The following MYT1L variants were observed in gnomAD, a reference collection of about 807,000 sequenced individuals.
MYT1L encodes myelin transcription factor 1 like, also known as myelin transcription factor 1-like protein.
Under a neutral mutation model 126.7 loss-of-function variants are expected in MYT1L, and 12 were observed. The ratio of observed to expected loss-of-function variants is 0.09; its 90% CI spans 0.06 to 0.15. MYT1L has a LOEUF of 0.15. MYT1L is among the 10% of genes least tolerant of loss of function. MYT1L has a pLI of 1.00. For missense variants in MYT1L, 979 were observed against 1,585.2 expected, an observed-to-expected ratio of 0.62 and a Z score of 6.49; for synonymous variants, 541 against 604.2, an observed-to-expected ratio of 0.90 and a Z score of 1.53.
intron 4 of MYT1L, among the ~76,000 whole-genome samples, chr2:2,044,828 G>A (rs1279881032): frequency 1.3e-5 from 2 of 152,114 alleles, no homozygotes; most frequent in East Asian, 1.9e-4. Context: ...CCGTGTTCCC[G>A]ATGCCTCAAC....
intron 8 of MYT1L, among the ~76,000 whole-genome samples, chr2:1,953,585 T>C (rs767216970): frequency 6.6e-6 from 1 of 152,244 alleles, no homozygotes; most frequent in Non-Finnish European, 1.5e-5. Context: ...TGATTTTCCA[T>C]GTGTGCTTAT....
chr2:1,956,050 T>TATCTATCTATCTATCTACCTATC (rs2058314496), intron 8 of MYT1L, among the ~76,000 whole-genome samples: 2 of 106,236 alleles, frequency 1.9e-5, no homozygotes, highest in African/African-American at 1.0e-4. Context: ...TGTATCTATG[T>TATCTATCTATCTATCTACCTATC]ATCTATCTAT....
At chr2:2,276,721 C>T (rs1281399688) in intron 2 of MYT1L, among the ~76,000 whole-genome samples, 1 of 152,150 alleles carries the variant, frequency 6.6e-6, no homozygotes, top group African/African-American at 2.4e-5. Flanking sequence ...CCTTGAATCT[C>T]ACCCTCTCTG....
chr2:2,224,602 G>A lies in MYT1L; in HGVS notation c.-420-51614C>T, dbSNP rs1399071962. Among the ~76,000 whole-genome samples, 1 of 152,060 alleles carries A rather than the reference G, an allele frequency of 6.6e-6. No homozygotes were observed. Among genetic ancestry groups the A allele is most frequent in the Non-Finnish European group, 1.5e-5 (1 of 68,024 alleles). The stretch of plus-strand genomic sequence containing the variant: ...TGGGAGGTCAAGACGGGCGGATCAC[G>A]AGGTCAAGAGATTGAGACCATCCTG... On this transcript the variant is annotated intron_variant, in intron 2 of 24. Transcript: ENST00000647738. The surrounding 1 kb of genome is among the most constrained non-coding windows in gnomAD (Gnocchi z 4.0).
intron 2 of MYT1L, among the ~76,000 whole-genome samples, chr2:2,253,756 G>T (rs540764928): frequency 1.4e-5 from 2 of 140,364 alleles, no homozygotes; most frequent in Non-Finnish European, 3.1e-5. Context: ...GGGGCAGGAG[G>T]GCAAGTCGGA....
intron 2 of MYT1L, among the ~76,000 whole-genome samples, chr2:2,278,934 A>G (rs1240168609): frequency 6.6e-6 from 1 of 152,068 alleles, no homozygotes; most frequent in Non-Finnish European, 1.5e-5. Context: ...CTCTTGTTCT[A>G]ACTTCTTAAC....
chr2:2,133,594 C>A (rs1330652254), intron 3 of MYT1L, among the ~76,000 whole-genome samples: 1 of 152,194 alleles, frequency 6.6e-6, no homozygotes, highest in East Asian at 1.9e-4. Flanking sequence ...TTATTCTTAT[C>A]TTTAACATGC....
At chr2:1,863,695 T>G (rs1175454973) in intron 18 of MYT1L, among the ~76,000 whole-genome samples, 1 of 131,076 alleles carries the variant, frequency 7.6e-6, no homozygotes, top group Admixed American at 7.4e-5. Context: ...CCGACAGTGG[T>G]GGCGACAGTG....
chr2:1,844,542 C>T (rs534207577), intron 19 of MYT1L, among the ~76,000 whole-genome samples: 13 of 152,208 alleles, frequency 8.5e-5, no homozygotes, highest in Non-Finnish European at 1.6e-4. Flanking sequence ...CCAGGTATTG[C>T]GCCAAGGGAG....
At chr2:1,969,716 G>C (rs1019114219) in intron 8 of MYT1L, among the ~76,000 whole-genome samples, 2 of 152,190 alleles carry the variant, frequency 1.3e-5, no homozygotes, top group Non-Finnish European at 2.9e-5. Flanking sequence ...TCTTCAGGGA[G>C]CTTCCAGAAA....
intron 5 of MYT1L, among the ~76,000 whole-genome samples, chr2:1,985,472 T>C (rs923688354): frequency 1.3e-5 from 2 of 152,104 alleles, no homozygotes; most frequent in Admixed American, 6.5e-5. Context: ...CCCTACGTCA[T>C]AGAAAATACC....
rs151043985 is a variant in MYT1L at position 2,114,604 on chromosome 2, T to G, written c.-304+58268A>C. On this transcript the variant is annotated intron_variant, in intron 3 of 24. Coordinates refer to ENST00000647738, the MANE Select transcript of MYT1L (RefSeq NM_001303052.2). ...CTGCTTCTCTCAGGAGATAATACTTTTTTAAAAGCAGGAGCCATGATTTTA... is the reference window on the plus strand; with the variant it reads ...CTGCTTCTCTCAGGAGATAATACTTGTTTAAAAGCAGGAGCCATGATTTTA... Among the ~76,000 whole-genome samples the G allele has an allele frequency of 3.0e-3, 450 of 152,354 alleles. 2 individuals are homozygous for G. The highest frequency in any genetic ancestry group is 9.9e-3 in the African/African-American group (410 of 41,588).
chr2:2,103,520 C>T (rs1379056505), intron 3 of MYT1L, among the ~76,000 whole-genome samples: 4 of 152,244 alleles, frequency 2.6e-5, no homozygotes, highest in East Asian at 3.9e-4. Flanking sequence ...CATCGGCCAG[C>T]GAGAGTGCAG....
At chr2:1,941,857 AT>A (rs2056691245) in intron 9 of MYT1L, among the ~76,000 whole-genome samples, 1 of 152,168 alleles carries the variant, frequency 6.6e-6, no homozygotes, top group Non-Finnish European at 1.5e-5. Context: ...ATCTAGGATT[AT>A]TTCATAAAAT....
chr2:1,919,355 C>T (rs1430579399), intron 10 of MYT1L, among the ~76,000 whole-genome samples: 13 of 152,112 alleles, frequency 8.5e-5, no homozygotes, highest in Non-Finnish European at 7.3e-5. Flanking sequence ...CAAGCAAACA[C>T]AAAATAACCA....
chr2:2,118,116 A>G (rs1184394924), intron 3 of MYT1L, among the ~76,000 whole-genome samples: 3 of 148,934 alleles, frequency 2.0e-5, no homozygotes, highest in Non-Finnish European at 3.0e-5. Flanking sequence ...ATTTTTATAT[A>G]TAATATTTTA....
intron 5 of MYT1L, among the ~76,000 whole-genome samples, chr2:1,989,139 G>A (rs535667594): frequency 1.3e-5 from 2 of 150,316 alleles, no homozygotes; most frequent in South Asian, 2.1e-4. Flanking sequence ...TAAAAAGTGC[G>A]TGTGTGTGTG....
At position 1,851,715 on chromosome 2, in the gene MYT1L, A is replaced by C; in HGVS notation, c.2712-12T>G. The C allele has an allele frequency of 1.9e-6, 3 of 1,612,936 alleles. No homozygotes were observed. The highest frequency in any genetic ancestry group is 2.5e-6 in the Non-Finnish European group (3 of 1,179,084). Reference sequence around the variant, plus strand: ...CAGGCGTGGGGCACCTACAATAAAAAATGCAAATTGTGTTAAAATGGAAAG... The same window carrying C: ...CAGGCGTGGGGCACCTACAATAAAACATGCAAATTGTGTTAAAATGGAAAG... On this transcript the variant is annotated splice_polypyrimidine_tract_variant and intron_variant, in intron 18 of 24. Coordinates refer to ENST00000647738, the MANE Select transcript of MYT1L (RefSeq NM_001303052.2).
In MYT1L at chr2:1,889,709, G is replaced by A. The variant is rs572187888; in HGVS notation, c.2284-232C>T. Among the ~76,000 whole-genome samples, 2 of 151,940 alleles carry A rather than the reference G, an allele frequency of 1.3e-5. No homozygotes were observed. The highest frequency in any genetic ancestry group is 2.4e-5 in the African/African-American group (1 of 41,368). On this transcript the variant is annotated intron_variant, in intron 15 of 24. Transcript: ENST00000647738. This position sits in a 1 kb window ranked among gnomAD's most constrained non-coding sequence, Gnocchi z 4.1. Reference sequence around the variant, plus strand: ...GTTGGAGAATCCAGGCATCCATCCCGCCATCCCTCTCTCCCTCCCTCCCTC... The same window carrying A: ...GTTGGAGAATCCAGGCATCCATCCCACCATCCCTCTCTCCCTCCCTCCCTC...
Sources: allele counts gnomAD v4.1 joint callset (sites outside exome capture counted in the v4.1 genomes callset), GRCh38; gene constraint gnomAD v4.1.1; non-coding constraint Gnocchi (gnomAD v3.1); transcripts MANE v1.5; gene names NCBI Gene and HGNC (gene_info 2026-07-23, HGNC 2026-07-21).